Variants in ABCC11 observed in about 807,000 individuals in gnomAD.
The protein encoded by ABCC11 is ATP binding cassette subfamily C member 11.
In ABCC11, 135 loss-of-function variants were observed where a neutral mutation model predicts 149.3. That is an observed-to-expected ratio of 0.90 (90% CI 0.79 to 1.04). The LOEUF (loss-of-function observed/expected upper bound fraction) is 1.04. ABCC11 is among the 50% of genes least tolerant of loss of function. The probability of loss-of-function intolerance (pLI) is 0.00; values close to 1 mark genes in which losing one functional copy is unlikely to be tolerated. For missense variants in ABCC11, 1,680 were observed against 1,722.1 expected, an observed-to-expected ratio of 0.98 and a Z score of 0.43; for synonymous variants, 665 against 671.4, an observed-to-expected ratio of 0.99 and a Z score of 0.15.
intron 4 of ABCC11, among the ~76,000 whole-genome samples, chr16:48,226,170 G>A (rs563352758): frequency 7.9e-5 from 12 of 151,894 alleles, no homozygotes; most frequent in South Asian, 4.2e-4. Context: ...TCCACCTTCC[G>A]GGTTCAAGCG....
chr16:48,195,638 T>C (rs1967333777), intron 18 of ABCC11, among the ~76,000 whole-genome samples: 3 of 152,252 alleles, frequency 2.0e-5, no homozygotes, highest in Non-Finnish European at 2.9e-5. Context: ...ATATATACCA[T>C]TTAATAAGGC....
chr16:48,178,433 G>A (rs1485208202), intron 24 of ABCC11, among the ~76,000 whole-genome samples, 164 bp downstream of exon 24: 10 of 152,174 alleles, frequency 6.6e-5, no homozygotes, highest in South Asian at 2.1e-4. Flanking sequence ...GAGCTTCAGC[G>A]AGATGGTCAA....
chr16:48,167,057 T>A lies in ABCC11; in HGVS notation c.*217A>T. ...AGAACCACATGATCACTGAATCCCA[T>A]GTCTTAGATGGTTCTGGGGTTCTAA... On this transcript the variant is annotated 3_prime_UTR_variant, in exon 30 of 30. Transcript: ENST00000356608. The A allele has an allele frequency of 1.8e-6, 1 of 552,860 alleles. No individual in the cohort carries two copies. The highest frequency in any genetic ancestry group is 3.2e-6 in the Non-Finnish European group (1 of 309,534). 34.2% of individuals were successfully genotyped at this position (552,860 alleles called of 1,614,324 possible). A position where few individuals can be genotyped will look rare whatever the true frequency, so the allele number is the denominator to read the frequency against.
intron 28 of ABCC11, among the ~76,000 whole-genome samples, chr16:48,169,367 A>G (rs1965546255): frequency 6.6e-6 from 1 of 152,220 alleles, no homozygotes; most frequent in African/African-American, 2.4e-5. Context: ...TGAAATGAAT[A>G]AGCCCATCTT....
chr16:48,184,578 T>C lies in ABCC11; in HGVS notation c.3120A>G (p.Leu1040=), dbSNP rs754143195. The change falls in exon 23 of 30, where the codon CTA becomes CTG. Residue 1040 remains leucine (L), a synonymous_variant. Coordinates refer to ENST00000356608, the MANE Select transcript of ABCC11 (RefSeq NM_001370497.1). The part of the protein sequence containing the change: ...DAQNNYLLLF[L]SSTRWMALRL... ...TCAATGCCATCCATCGTGTGGAAGA[T>C]AGAAACAACAGCAGGTAGTTATTCT... 30 of 1,614,064 alleles carry C rather than the reference T, an allele frequency of 1.9e-5. No homozygotes were observed. The highest frequency in any genetic ancestry group is 2.4e-5 in the Non-Finnish European group (28 of 1,180,040).
intron 12 of ABCC11, among the ~76,000 whole-genome samples, 189 bp from the exon 13 acceptor site, chr16:48,205,726 T>C (rs765939283): frequency 6.6e-6 from 1 of 151,868 alleles, no homozygotes; most frequent in Non-Finnish European, 1.5e-5. Flanking sequence ...TGAGAACATG[T>C]GGAAGCAGCT....
At chr16:48,185,111 G>A (rs557600100) in intron 22 of ABCC11, among the ~76,000 whole-genome samples, 10 of 152,084 alleles carry the variant, frequency 6.6e-5, no homozygotes, top group Non-Finnish European at 1.0e-4. Context: ...CGAGACACCC[G>A]GGGAACATTA....
At chr16:48,222,444 T>TA (rs1187234314) in intron 6 of ABCC11, among the ~76,000 whole-genome samples, 154 bp downstream of exon 6, 3 of 152,224 alleles carry the variant, frequency 2.0e-5, no homozygotes, top group African/African-American at 7.2e-5. Flanking sequence ...AGGCAATTGT[T>TA]AATGGTTATC....
At position 48,197,291 on chromosome 16, in the gene ABCC11, T is replaced by A. The variant is rs534238014; in HGVS notation, c.2314+680A>T. ...GTGAGCCAAGATCAAGCCACTGTAT[T>A]CCTGCCTGGGCAACGGACCAAACTC... On this transcript the variant is annotated intron_variant, in intron 17 of 29. Transcript: ENST00000356608. Among the ~76,000 whole-genome samples, 5 of 122,342 alleles carry A rather than the reference T, an allele frequency of 4.1e-5. No homozygotes were observed. The East Asian group carries it at 1.2e-3, about 30-fold the overall frequency. The allele number at this position is 122,342 out of a possible 152,430, so 80.3% of individuals were successfully genotyped here.
chr16:48,201,185 C>T (rs1417516546), intron 14 of ABCC11, among the ~76,000 whole-genome samples: 2 of 152,178 alleles, frequency 1.3e-5, no homozygotes, highest in African/African-American at 2.4e-5. Flanking sequence ...CTATCAACTT[C>T]TAGGAGGCAA....
At chr16:48,235,865 C>A (rs116873916) in intron 1 of ABCC11, among the ~76,000 whole-genome samples, 1 of 152,118 alleles carries the variant, frequency 6.6e-6, no homozygotes, top group Non-Finnish European at 1.5e-5. Flanking sequence ...GGGTTGTTTG[C>A]GTATGGTGAA....
intron 8 of ABCC11, 41 bp downstream of exon 8, chr16:48,215,156 G>T (rs1351062605): frequency 1.3e-6 from 2 of 1,597,712 alleles, no homozygotes; most frequent in Non-Finnish European, 1.7e-6. Context: ...GGCTTACCAT[G>T]CCATCACCAG....
At chr16:48,186,813 G>T in intron 22 of ABCC11, 140 bp downstream of exon 22, 1 of 1,061,934 alleles carries the variant, frequency 9.4e-7, no homozygotes, top group Non-Finnish European at 1.3e-6. Context: ...AGGTTCTGGA[G>T]GCTCAGAGAA....
intron 26 of ABCC11, among the ~76,000 whole-genome samples, chr16:48,171,286 G>A (rs1965704680): frequency 6.6e-6 from 1 of 152,208 alleles, no homozygotes; most frequent in Non-Finnish European, 1.5e-5. Context: ...CCCTGGCCAT[G>A]GTGCTTAGCT....
intron 3 of ABCC11, among the ~76,000 whole-genome samples, chr16:48,228,453 G>A (rs1393242171): frequency 3.9e-5 from 6 of 152,102 alleles, no homozygotes; most frequent in Non-Finnish European, 8.8e-5. Context: ...AATTAGCTTG[G>A]TGTGGTGGTG....
At chr16:48,184,389 G>C (rs374780866) in intron 23 of ABCC11, 51 bp downstream of exon 23, 247 of 1,584,538 alleles carry the variant, frequency 1.6e-4, no homozygotes, top group Non-Finnish European at 2.1e-4. Flanking sequence ...GAAGCCACAG[G>C]CAGAGGATGA....
At chr16:48,183,252 GCCCAGGTT>G (rs1966555315) in intron 23 of ABCC11, among the ~76,000 whole-genome samples, 1 of 152,250 alleles carries the variant, frequency 6.6e-6, no homozygotes, top group Non-Finnish European at 1.5e-5. Context: ...GACTGGTACA[GCCCAGGTT>G]CCCTTAGGCA....
chr16:48,237,033 C>T (rs772084552), intron 1 of ABCC11, among the ~76,000 whole-genome samples: 2 of 152,246 alleles, frequency 1.3e-5, no homozygotes, highest in South Asian at 2.1e-4. Flanking sequence ...AAAATTGCAA[C>T]CTCCGGCATA....
rs771718361 is a variant in ABCC11, at chr16:48,167,562, G to A, written c.3990C>T (p.Leu1330=). The A allele has an allele frequency of 2.7e-5, 44 of 1,614,032 alleles. 1 individual carries two copies. The South Asian group carries it at 2.9e-4, about 10-fold the overall frequency. The change falls in exon 29 of 30, where the codon CTC becomes CTT. Residue 1330 remains leucine, a synonymous_variant. Coordinates refer to ENST00000356608, the MANE Select transcript of ABCC11 (RefSeq NM_001370497.1). ...CAGTGGTGACACGGTGGGCAATGAC[G>A]AGCACGGTGCAGCCCTGGAAGGCTT... is the stretch of plus-strand genomic sequence containing the variant. The part of the protein sequence containing the change: ...IREAFQGCTV[L]VIAHRVTTVL...
Sources: gnomAD v4.1 joint callset for allele counts (sites outside exome capture counted in the v4.1 genomes callset) on GRCh38, gnomAD v4.1.1 for gene constraint, MANE v1.5 for transcripts, NCBI Gene and HGNC (gene_info 2026-07-23, HGNC 2026-07-21) for gene names.